KCTD3: variants seen among roughly 807,000 people sequenced by gnomAD.
KCTD3 encodes potassium channel tetramerization domain containing 3.
In KCTD3, 41 loss-of-function variants were observed where a neutral mutation model predicts 85.8. The ratio of observed to expected loss-of-function variants is 0.48; its 90% CI spans 0.37 to 0.62. KCTD3 has a LOEUF of 0.62. Ranked by LOEUF, KCTD3 falls within the 20% of genes least tolerant of loss-of-function variation. KCTD3 has a pLI of 0.00. For missense variants in KCTD3, 724 were observed against 989.9 expected (o/e 0.73, Z 3.60); for synonymous variants, 338 against 345.4 (o/e 0.98, Z 0.24).
chr1:215,580,314 T>A (rs976590165), intron 8 of KCTD3, among the ~76,000 whole-genome samples: 9 of 152,206 alleles, frequency 5.9e-5, no homozygotes, highest in African/African-American at 1.7e-4. Context: ...TATAATGATG[T>A]TAGACAGGAT....
chr1:215,571,882 C>T (rs1367628591), intron 1 of KCTD3, among the ~76,000 whole-genome samples: 2 of 152,322 alleles, frequency 1.3e-5, no homozygotes, highest in African/African-American at 4.8e-5. Flanking sequence ...CTGCCCGCCT[C>T]GGCCTCCCAA....
At chr1:215,587,947 A>G (rs1248694840) in intron 9 of KCTD3, among the ~76,000 whole-genome samples, 1 of 152,184 alleles carries the variant, frequency 6.6e-6, no homozygotes, top group Non-Finnish European at 1.5e-5. Flanking sequence ...TCATTGTATA[A>G]TATGAAAAAA....
intron 15 of KCTD3, among the ~76,000 whole-genome samples, chr1:215,614,277 C>T (rs1431888090): frequency 6.6e-6 from 1 of 152,032 alleles, no homozygotes; most frequent in Non-Finnish European, 1.5e-5. Context: ...ATGATCCGCT[C>T]ACCTCCGCCT....
At chr1:215,598,614 A>G (rs1654701088) in intron 10 of KCTD3, among the ~76,000 whole-genome samples, 1 of 152,198 alleles carries the variant, frequency 6.6e-6, no homozygotes, top group Admixed American at 6.5e-5. Flanking sequence ...GAAATAATGG[A>G]ACAATTAGAA....
chr1:215,571,474 A>G (rs1659364681), intron 1 of KCTD3, among the ~76,000 whole-genome samples: 1 of 152,202 alleles, frequency 6.6e-6, no homozygotes, highest in African/African-American at 2.4e-5. Context: ...TTAGTAGTCA[A>G]CTTCTATGTG....
At chr1:215,592,243 G>A (rs948939489) in intron 9 of KCTD3, among the ~76,000 whole-genome samples, 2 of 152,178 alleles carry the variant, frequency 1.3e-5, no homozygotes, top group African/African-American at 4.8e-5. Context: ...TGCTGTGATA[G>A]AAAGTACTCT....
chr1:215,570,533 A>G (rs768446798), intron 1 of KCTD3, among the ~76,000 whole-genome samples: 6 of 152,180 alleles, frequency 3.9e-5, no homozygotes, highest in East Asian at 1.9e-4. Flanking sequence ...TATGTTTCCA[A>G]TTCCCAGGCT....
At position 215,567,623 on chromosome 1, in the gene KCTD3, G is replaced by GC; in HGVS notation, c.-59dup. On this transcript the variant is annotated 5_prime_UTR_variant, in exon 1 of 18. Transcript: ENST00000259154. ...GCCGTCGCCGCTGCCTCGGGCTACA[G>GC]CCCCGGGCTCGGCGGTCCCGGCTGG... The GC allele has an allele frequency of 9.4e-7, 1 of 1,063,924 alleles. No individual in the cohort carries two copies. Among genetic ancestry groups the GC allele is most frequent in the Non-Finnish European group, 1.2e-6 (1 of 847,338 alleles). The allele number at this position is 1,063,924 out of a possible 1,614,324, so 65.9% of individuals were successfully genotyped here.
Position 215,567,524 on chromosome 1 carries a change from C to G in KCTD3, c.-162C>G, listed in dbSNP as rs2102545958. ...AGGGGCAGAAGCTAGCGAGCCCCGC[C>G]CGGCCGCCGGGAAGGTGGGGGAAGC... On this transcript the variant is annotated 5_prime_UTR_variant, in exon 1 of 18. Transcript: ENST00000259154. The G allele has an allele frequency of 3.2e-6, 1 of 308,100 alleles. No individual in the cohort carries two copies. Among genetic ancestry groups the G allele is most frequent in the South Asian group, 1.6e-4 (1 of 6,364 alleles). 19.1% of individuals were successfully genotyped at this position (308,100 alleles called of 1,614,324 possible). A position where few individuals can be genotyped will look rare whatever the true frequency, so the allele number is the denominator to read the frequency against.
intron 12 of KCTD3, among the ~76,000 whole-genome samples, chr1:215,603,108 T>TA: frequency 6.6e-6 from 1 of 152,222 alleles, no homozygotes; most frequent in South Asian, 2.1e-4. Flanking sequence ...CTTGGCCCCT[T>TA]ACGGAAAGTG....
At chr1:215,580,103 G>A in intron 8 of KCTD3, 104 bp downstream of exon 8, 1 of 709,102 alleles carries the variant, frequency 1.4e-6, no homozygotes, top group African/African-American at 1.8e-5. Context: ...TAGTCATCAA[G>A]TTTTTTCCCT....
chr1:215,585,704 A>G (rs1404005322), intron 8 of KCTD3, among the ~76,000 whole-genome samples: 1 of 152,238 alleles, frequency 6.6e-6, no homozygotes, highest in Non-Finnish European at 1.5e-5. Flanking sequence ...GCTGCTATAC[A>G]TATAATCGCA....
At chr1:215,568,086 C>T (rs1659212563) in intron 1 of KCTD3, among the ~76,000 whole-genome samples, 1 of 152,202 alleles carries the variant, frequency 6.6e-6, no homozygotes, top group Non-Finnish European at 1.5e-5. Context: ...CCTTCCTTAC[C>T]TCATCTCAGA....
chr1:215,611,747 A>C, intron 14 of KCTD3, 78 bp from the exon 15 acceptor site: 2 of 881,404 alleles, frequency 2.3e-6, no homozygotes, highest in East Asian at 5.4e-5. Flanking sequence ...TTCTTATATT[A>C]ATATTAATGT....
At chr1:215,607,245 T>C (rs17553500) in intron 13 of KCTD3, among the ~76,000 whole-genome samples, 5,822 of 152,018 alleles carry the variant, frequency 0.038, 170 homozygotes, top group Non-Finnish European at 0.057. Flanking sequence ...TTGCTAATAA[T>C]AACATATTTT....
chr1:215,607,680 G>A (rs1397359838), intron 13 of KCTD3, among the ~76,000 whole-genome samples: 1 of 151,914 alleles, frequency 6.6e-6, no homozygotes, highest in Non-Finnish European at 1.5e-5. Context: ...AATAAACTAG[G>A]AAACTGTTTA....
In KCTD3 at chr1:215,597,033, A is replaced by T. The variant is rs2675223; in HGVS notation, c.933+1562A>T. 9.6e-3 allele frequency among the ~76,000 whole-genome samples: 1,461 copies of T among 152,290 alleles called. 36 individuals are homozygous for T. The highest frequency in any genetic ancestry group is 0.033 in the African/African-American group (1,372 of 41,544). ...ATATTATCAAATACTGCAGAGATTA[A>T]TCGTACATTTGCAGTAGACCTGGGA... On this transcript the variant is annotated intron_variant, in intron 10 of 17. Transcript: ENST00000259154.
intron 15 of KCTD3, among the ~76,000 whole-genome samples, chr1:215,613,732 C>T (rs1655319594): frequency 6.6e-6 from 1 of 152,116 alleles, no homozygotes; most frequent in Non-Finnish European, 1.5e-5. Context: ...AGCCAGTAAT[C>T]CCAGCACCAT....
intron 15 of KCTD3, among the ~76,000 whole-genome samples, chr1:215,612,728 G>A (rs928748769): frequency 2.0e-5 from 3 of 152,034 alleles, no homozygotes; most frequent in Admixed American, 1.3e-4. Context: ...AAGGTTCAAC[G>A]ACTTTGGCAG....
Sources: gnomAD v4.1 joint callset for allele counts (sites outside exome capture counted in the v4.1 genomes callset) on GRCh38, gnomAD v4.1.1 for gene constraint, MANE v1.5 for transcripts, NCBI Gene and HGNC (gene_info 2026-07-23, HGNC 2026-07-21) for gene names.